NAA16: variants seen among roughly 807,000 people sequenced by gnomAD.
NAA16 encodes the protein N-alpha-acetyltransferase 16, NatA auxiliary subunit.
NAA16 carries 97 observed loss-of-function variants against 110.3 expected under a neutral mutation model. The observed-to-expected ratio is 0.88, with a 90% CI of 0.75 to 1.04. NAA16 has a LOEUF of 1.04. Ranked by LOEUF, NAA16 falls within the 50% of genes least tolerant of loss-of-function variation. NAA16 has a pLI of 0.00. For synonymous variants in NAA16, 372 were observed against 330.6 expected, an observed-to-expected ratio of 1.13 and a Z score of -1.36; for missense variants, 1,017 against 1,005.1, an observed-to-expected ratio of 1.01 and a Z score of -0.16.
intron 18 of NAA16, 143 bp downstream of exon 18, chr13:41,373,923 C>T: frequency 7.8e-7 from 1 of 1,279,556 alleles, no homozygotes; most frequent in Non-Finnish European, 1.0e-6. Flanking sequence ...AAGTTATGTT[C>T]AATAATAGGG....
intron 17 of NAA16, 146 bp downstream of exon 17, chr13:41,372,976 C>G: frequency 9.0e-7 from 1 of 1,106,218 alleles, no homozygotes; most frequent in Non-Finnish European, 1.2e-6. Context: ...GATACAAATC[C>G]TCTGATCATG....
intron 9 of NAA16, among the ~76,000 whole-genome samples, chr13:41,350,148 G>A (rs924167545): frequency 3.3e-5 from 5 of 151,384 alleles, no homozygotes; most frequent in Admixed American, 1.3e-4. Flanking sequence ...GCGCATTCTA[G>A]ATACTTGGAA....
At chr13:41,359,862 A>G (rs2043076381) in intron 12 of NAA16, among the ~76,000 whole-genome samples, 1 of 152,222 alleles carries the variant, frequency 6.6e-6, no homozygotes, top group Non-Finnish European at 1.5e-5. Context: ...TTACACTTAT[A>G]GAAGAAAATA....
Position 41,318,390 on chromosome 13 carries a change from C to T in NAA16, c.140-416C>T, listed in dbSNP as rs78253467. ...CTAGCTAATTTTTGTTTAGTAGAGA[C>T]GGGGTTTTGCTGTGTTGGCCAGGCT... On this transcript the variant is annotated intron_variant, in intron 2 of 19. Coordinates refer to ENST00000379406, the MANE Select transcript of NAA16 (RefSeq NM_024561.5). 1.6e-3 allele frequency among the ~76,000 whole-genome samples: 238 copies of T among 151,876 alleles called. 4 individuals carry two copies. In the East Asian group the frequency reaches 0.031, roughly 20 times the overall value.
chr13:41,374,551 A>G lies in NAA16; in HGVS notation c.2300-191A>G, dbSNP rs552786481. 1.1e-4 allele frequency: 52 copies of G among 466,730 alleles called. No homozygotes were observed. In the South Asian group the frequency reaches 1.3e-3, roughly 12 times the overall value. 28.9% of individuals were successfully genotyped at this position (466,730 alleles called of 1,614,324 possible). A position where few individuals can be genotyped will look rare whatever the true frequency, so the allele number is the denominator to read the frequency against. ...GATATAAATACTCTGATCATGGCCT[A>G]TCAATGGGATGCTACTGAATAGGAG... On this transcript the variant is annotated intron_variant, in intron 18 of 19. Coordinates refer to ENST00000379406, the MANE Select transcript of NAA16 (RefSeq NM_024561.5).
chr13:41,362,949 A>C, intron 13 of NAA16: 3 of 1,101,976 alleles, frequency 2.7e-6, no homozygotes, highest in Non-Finnish European at 2.3e-6. Flanking sequence ...ACCCACAAGG[A>C]AGGCTAAATT....
chr13:41,346,171 AG>A (rs1437992567), intron 9 of NAA16, among the ~76,000 whole-genome samples: 1 of 152,234 alleles, frequency 6.6e-6, no homozygotes, highest in African/African-American at 2.4e-5. Flanking sequence ...ATGGTGTGGT[AG>A]GAGTCCAGAT....
At chr13:41,333,430 C>G (rs534618870) in intron 8 of NAA16, among the ~76,000 whole-genome samples, 1 of 152,090 alleles carries the variant, frequency 6.6e-6, no homozygotes, top group African/African-American at 2.4e-5. Context: ...TCCCTGTCAC[C>G]CCTCAACCAC....
intron 1 of NAA16, 37 bp downstream of exon 1, chr13:41,311,619 C>T (rs1330371289): frequency 5.7e-6 from 9 of 1,584,160 alleles, no homozygotes; most frequent in Non-Finnish European, 7.7e-6. Context: ...CCCCCCGGTC[C>T]CCGGGTCCTC....
At chr13:41,374,335 ATGTTT>A (rs566002353) in intron 18 of NAA16, 137 of 154,594 alleles carry the variant, frequency 8.9e-4, no homozygotes, top group African/African-American at 3.1e-3. Context: ...TATTCCTTAG[ATGTTT>A]TATTTTAGAA....
chr13:41,370,685 C>T (rs922820704), intron 15 of NAA16, among the ~76,000 whole-genome samples: 1 of 152,134 alleles, frequency 6.6e-6, no homozygotes, highest in African/African-American at 2.4e-5. Context: ...TGATACTGGA[C>T]AGAACCCCTG....
Position 41,372,261 on chromosome 13 carries a change from C to T in NAA16, c.2006C>T (p.Ala669Val). The T allele has an allele frequency of 6.2e-7, 1 of 1,603,446 alleles. No individual in the cohort carries two copies. The highest frequency in any genetic ancestry group is 8.5e-7 in the Non-Finnish European group (1 of 1,175,680). Residue 669 changes from alanine (A) to valine (V), a missense_variant, in exon 16 of 20, where the codon GCT becomes GTT. Coordinates refer to ENST00000379406, the MANE Select transcript of NAA16 (RefSeq NM_024561.5). ...KFLIPLKNLVADNIDTHLLAF... is the reference protein window; with the variant it reads ...KFLIPLKNLVVDNIDTHLLAF... ...CTTATACCTCTTAAGAACCTTGTTG[C>T]TGATAACATTGACACTCATCTGTTA...
chr13:41,358,340 G>C lies in NAA16; in HGVS notation c.1124G>C (p.Trp375Ser). The change falls in exon 11 of 20, where the codon TGG (tryptophan) becomes TCG (serine). Residue 375 changes from tryptophan (W) to serine (S), a missense_variant. Transcript: ENST00000379406. ...GEKEPPTTLL[W>S]VQYFLAQHFD... ...AAGGAACCCCCGACAACACTACTCT[G>C]GGTTCAGTATTTCCTGGCACAGCAC... The C allele has an allele frequency of 1.2e-6, 2 of 1,613,922 alleles. No individual in the cohort carries two copies. The highest frequency in any genetic ancestry group is 1.7e-6 in the Non-Finnish European group (2 of 1,179,860).
At chr13:41,342,414 A>C (rs903052122) in intron 9 of NAA16, among the ~76,000 whole-genome samples, 1 of 152,228 alleles carries the variant, frequency 6.6e-6, no homozygotes, top group Non-Finnish European at 1.5e-5. Flanking sequence ...CCAGGGTTAC[A>C]GACGTGAACC....
At chr13:41,332,265 C>T (rs2042259314) in intron 8 of NAA16, among the ~76,000 whole-genome samples, 2 of 152,156 alleles carry the variant, frequency 1.3e-5, no homozygotes, top group Admixed American at 1.3e-4. Context: ...CATCATCATT[C>T]CCTCAGAGTT....
chr13:41,347,277 T>C lies in NAA16; in HGVS notation c.1015-7867T>C, dbSNP rs147415176. Reference sequence around the variant, plus strand: ...TCAGGAAGTGTGACTCCTCCTACTTTGTTCTTCAAGACTATTTTTTTATTA... The same window carrying C: ...TCAGGAAGTGTGACTCCTCCTACTTCGTTCTTCAAGACTATTTTTTTATTA... On this transcript the variant is annotated intron_variant, in intron 9 of 19. Transcript: ENST00000379406. Among the ~76,000 whole-genome samples, 54 of 152,104 alleles carry C rather than the reference T, an allele frequency of 3.6e-4. 2 individuals are homozygous for C. In the East Asian group the frequency reaches 7.1e-3, roughly 20 times the overall value.
At chr13:41,345,290 A>G (rs1014038600) in intron 9 of NAA16, among the ~76,000 whole-genome samples, 2 of 152,022 alleles carry the variant, frequency 1.3e-5, no homozygotes, top group African/African-American at 4.8e-5. Context: ...TTCCTCCACC[A>G]TTTTACATTC....
At chr13:41,360,332 A>G (rs1249590401) in intron 12 of NAA16, among the ~76,000 whole-genome samples, 1 of 152,176 alleles carries the variant, frequency 6.6e-6, no homozygotes, top group Non-Finnish European at 1.5e-5. Flanking sequence ...TCAACCACTA[A>G]GTATAATGCA....
chr13:41,364,396 T>TCC (rs747769348), intron 13 of NAA16, among the ~76,000 whole-genome samples: 7 of 150,460 alleles, frequency 4.7e-5, no homozygotes, highest in African/African-American at 1.7e-4. Flanking sequence ...TCTGTTTTCA[T>TCC]CCCCCCCCCA....
Sources: allele counts gnomAD v4.1 joint callset (sites outside exome capture counted in the v4.1 genomes callset), GRCh38; gene constraint gnomAD v4.1.1; transcripts MANE v1.5; gene names NCBI Gene and HGNC (gene_info 2026-07-23, HGNC 2026-07-21).